Variants in USP34 observed in about 807,000 individuals in gnomAD.
The protein encoded by USP34 is ubiquitin specific peptidase 34, also known as ubiquitin carboxyl-terminal hydrolase 34.
In USP34, 70 loss-of-function variants were observed where a neutral mutation model predicts 460.3. That is an observed-to-expected ratio of 0.15 (90% CI 0.13 to 0.19). USP34 has a LOEUF of 0.19. Among genes scored for constraint, USP34 ranks in the 10% least tolerant of loss-of-function variants. The pLI is 1.00. For missense variants in USP34, 3,985 were observed against 4,236.2 expected, an observed-to-expected ratio of 0.94 and a Z score of 1.65; for synonymous variants, 1,647 against 1,405.3, an observed-to-expected ratio of 1.17 and a Z score of -3.85.
chr2:61,228,818 T>A lies in USP34; in HGVS notation c.7368+9A>T. The A allele has an allele frequency of 6.3e-7, 1 of 1,595,880 alleles. No individual in the cohort carries two copies. The highest frequency in any genetic ancestry group is 8.5e-7 in the Non-Finnish European group (1 of 1,172,168). ...GATAATCAAAAAAATAGACAAGATA[T>A]AGCCTCACCTCTTCTTCACCCATTT... On this transcript the variant is annotated intron_variant, in intron 60 of 79. Transcript: ENST00000398571.
intron 1 of USP34, among the ~76,000 whole-genome samples, chr2:61,444,141 G>C (rs1357986978): frequency 1.3e-5 from 2 of 152,120 alleles, no homozygotes; most frequent in African/African-American, 4.8e-5. Context: ...TGTAGTCCCA[G>C]CTACTCAGGA....
chr2:61,320,454 G>C (rs1279737108), intron 21 of USP34, among the ~76,000 whole-genome samples: 2 of 152,144 alleles, frequency 1.3e-5, no homozygotes, highest in African/African-American at 4.8e-5. Flanking sequence ...GACATGGGGA[G>C]AATGTGTAAA....
chr2:61,241,897 A>T, intron 51 of USP34, 78 bp from the exon 52 acceptor site: 1 of 772,688 alleles, frequency 1.3e-6, no homozygotes. Context: ...ATTATTTCAT[A>T]AACAGCTATT....
chr2:61,189,119 A>T (rs113660467), intron 78 of USP34, 50 bp from the exon 79 acceptor site: 1 of 1,578,826 alleles, frequency 6.3e-7, no homozygotes, highest in Non-Finnish European at 8.6e-7. Flanking sequence ...CAACACTTTG[A>T]TGCAGTTGTT....
chr2:61,204,565 T>A lies in USP34; in HGVS notation c.9191A>T (p.Asp3064Val). ...LKELVLLSPH[D>V]FLHTLVPFLQ... is the part of the protein sequence containing the mutation. ...AAAGGGAACCAGAGTATGAAGAAAA[T>A]CATGGGGACTCAAAAGTACAAGTTC... Residue 3064 changes from aspartate to valine, a missense_variant, in exon 73 of 80, where the codon GAT (aspartate) becomes GTT (valine). Transcript: ENST00000398571. The A allele has an allele frequency of 1.9e-6, 3 of 1,613,874 alleles. No homozygotes were observed. Among genetic ancestry groups the A allele is most frequent in the Non-Finnish European group, 2.5e-6 (3 of 1,179,946 alleles).
chr2:61,413,295 G>A (rs1694096886), intron 2 of USP34, among the ~76,000 whole-genome samples: 1 of 152,234 alleles, frequency 6.6e-6, no homozygotes, highest in Non-Finnish European at 1.5e-5. Flanking sequence ...TCAGGAGGCT[G>A]AGGCAGAATT....
intron 27 of USP34, among the ~76,000 whole-genome samples, chr2:61,303,119 T>C (rs1390236707): frequency 2.0e-5 from 3 of 152,030 alleles, no homozygotes; most frequent in Non-Finnish European, 2.9e-5. Context: ...CAGGCTGGAG[T>C]GCAGTGGCTC....
At chr2:61,439,398 G>A (rs549350743) in intron 1 of USP34, among the ~76,000 whole-genome samples, 9 of 152,240 alleles carry the variant, frequency 5.9e-5, no homozygotes, top group African/African-American at 1.7e-4. Flanking sequence ...CTCCCTCCAC[G>A]AGGATCTGCT....
chr2:61,214,581 T>C lies in USP34; in HGVS notation c.8161A>G (p.Thr2721Ala), dbSNP rs375950525. ...TRDLPLSPDT[T>A]VVLHQVYNVL... ...TTGTAGACCTGATGTAGGACTACTG[T>C]TGTGTCTGGACTGAGTGGAAGGTCA... The change falls in exon 68 of 80, where the codon ACA becomes GCA. Residue 2721 changes from threonine to alanine, a missense_variant. Coordinates refer to ENST00000398571, the MANE Select transcript of USP34 (RefSeq NM_014709.4). 12 of 1,613,786 alleles carry C rather than the reference T, an allele frequency of 7.4e-6. No homozygotes were observed. The African/African-American group carries it at 1.5e-4, about 20-fold the overall frequency.
At chr2:61,431,172 AG>A (rs1694666143) in intron 1 of USP34, among the ~76,000 whole-genome samples, 2 of 152,184 alleles carry the variant, frequency 1.3e-5, no homozygotes, top group African/African-American at 4.8e-5. Context: ...AGTGTTTTAT[AG>A]TACTGCAGGA....
At position 61,262,356 on chromosome 2, in the gene USP34, T is replaced by G. The variant is rs889353851; in HGVS notation, c.5779-2580A>C. Among the ~76,000 whole-genome samples, 4 of 152,052 alleles carry G rather than the reference T, an allele frequency of 2.6e-5. No homozygotes were observed. The East Asian group carries it at 7.7e-4, about 29-fold the overall frequency. On this transcript the variant is annotated intron_variant, in intron 43 of 79. Transcript: ENST00000398571. ...CCTCTTCCCACACTCCACCCTCAGG[T>G]AGGACACAACGTCCATTGTTCCTGT...
chr2:61,454,563 G>A (rs919011893), intron 1 of USP34, among the ~76,000 whole-genome samples: 1 of 151,648 alleles, frequency 6.6e-6, no homozygotes, highest in Non-Finnish European at 1.5e-5. Context: ...TAGTGTTCTT[G>A]TTTTGAGATG....
At chr2:61,399,262 A>G (rs1228302779) in intron 3 of USP34, among the ~76,000 whole-genome samples, 1 of 151,754 alleles carries the variant, frequency 6.6e-6, no homozygotes, top group African/African-American at 2.4e-5. Context: ...GAATTGCTTG[A>G]ATCCCGGAAG....
chr2:61,274,378 A>G (rs778208071), intron 41 of USP34, among the ~76,000 whole-genome samples: 44 of 152,028 alleles, frequency 2.9e-4, no homozygotes, highest in Non-Finnish European at 5.7e-4. Flanking sequence ...CAACAGAGCA[A>G]GACTCTGTCT....
At chr2:61,292,835 A>G (rs1254417398) in intron 33 of USP34, among the ~76,000 whole-genome samples, 2 of 152,096 alleles carry the variant, frequency 1.3e-5, no homozygotes, top group Non-Finnish European at 2.9e-5. Context: ...AAGCAATTTT[A>G]TTTTCATATA....
intron 20 of USP34, among the ~76,000 whole-genome samples, chr2:61,326,766 G>A (rs113017329): frequency 2.0e-5 from 3 of 147,748 alleles, no homozygotes; most frequent in African/African-American, 7.5e-5. Context: ...GCATGCAGAA[G>A]GTCAATGGGC....
chr2:61,390,147 G>A (rs1693298010), intron 5 of USP34, among the ~76,000 whole-genome samples: 1 of 152,170 alleles, frequency 6.6e-6, no homozygotes, highest in South Asian at 2.1e-4. Flanking sequence ...TTTGACTAAA[G>A]CATATTTTGT....
intron 61 of USP34, 145 bp from the exon 62 acceptor site, chr2:61,227,363 A>C: frequency 1.2e-6 from 1 of 840,374 alleles, no homozygotes; most frequent in Non-Finnish European, 1.8e-6. Context: ...AACCTAATGT[A>C]AAACACTCTA....
At chr2:61,439,368 C>A (rs1276746759) in intron 1 of USP34, among the ~76,000 whole-genome samples, 3 of 152,138 alleles carry the variant, frequency 2.0e-5, no homozygotes, top group Admixed American at 2.0e-4. Flanking sequence ...TCTGATGTCA[C>A]CCCTCCAGCC....
Sources: gnomAD v4.1 joint callset for allele counts (sites outside exome capture counted in the v4.1 genomes callset) on GRCh38, gnomAD v4.1.1 for gene constraint, MANE v1.5 for transcripts, NCBI Gene and HGNC (gene_info 2026-07-23, HGNC 2026-07-21) for gene names.